MICU3: variants seen among roughly 807,000 people sequenced by gnomAD.
MICU3 encodes mitochondrial calcium uptake 3.
Under a neutral mutation model 66.5 loss-of-function variants are expected in MICU3, and 62 were observed. That is an observed-to-expected ratio of 0.93 (90% confidence interval 0.76 to 1.15). The LOEUF is 1.15. Ranked by LOEUF, MICU3 falls within the 50% of genes most tolerant of loss-of-function variation. The probability of loss-of-function intolerance (pLI) is 0.00; values close to 1 mark genes in which losing one functional copy is unlikely to be tolerated. For missense variants in MICU3, 779 were observed against 664.4 expected, an observed-to-expected ratio of 1.17 and a Z score of -1.90; for synonymous variants, 308 against 240.7, an observed-to-expected ratio of 1.28 and a Z score of -2.59.
chr8:17,104,086 T>A (rs1801513525), intron 9 of MICU3, among the ~76,000 whole-genome samples: 1 of 151,930 alleles, frequency 6.6e-6, no homozygotes, highest in South Asian at 2.1e-4. Flanking sequence ...GGATTTCAAT[T>A]ATTTTAGATA....
At chr8:17,057,548 ATTG>A (rs2150595589) in intron 1 of MICU3, among the ~76,000 whole-genome samples, 1 of 152,334 alleles carries the variant, frequency 6.6e-6, no homozygotes, top group African/African-American at 2.4e-5. Context: ...ATTTATAATT[ATTG>A]TTACAATTAA....
chr8:17,115,839 C>T (rs764555136), intron 12 of MICU3, among the ~76,000 whole-genome samples: 11 of 152,148 alleles, frequency 7.2e-5, no homozygotes, highest in East Asian at 1.9e-4. Flanking sequence ...CCAAACCAGA[C>T]TCCCTGTTTT....
intron 2 of MICU3, among the ~76,000 whole-genome samples, chr8:17,065,096 T>TA (rs1554517862): frequency 6.6e-6 from 1 of 152,134 alleles, no homozygotes; most frequent in Non-Finnish European, 1.5e-5. Flanking sequence ...TGTATTTTTT[T>TA]AAAAAATAAT....
intron 8 of MICU3, among the ~76,000 whole-genome samples, chr8:17,095,425 T>C (rs1184351914): frequency 6.6e-6 from 1 of 151,982 alleles, no homozygotes; most frequent in Non-Finnish European, 1.5e-5. Flanking sequence ...TTACAGTTTT[T>C]AGGGCCATGG....
chr8:17,052,840 C>T lies in MICU3; in HGVS notation c.382-11244C>T, dbSNP rs187292161. Among the ~76,000 whole-genome samples, 53 of 152,276 alleles carry T rather than the reference C, an allele frequency of 3.5e-4. No individual in the cohort carries two copies. In the South Asian group the frequency reaches 5.6e-3, roughly 16 times the overall value. On this transcript the variant is annotated intron_variant, in intron 1 of 14. Transcript: ENST00000318063. ...CCATTTGGGAAAACCAAATGTAATA[C>T]TTCCATGAACATCTTTTTTAGCTAC...
chr8:17,084,638 A>G (rs1156346795), intron 5 of MICU3, among the ~76,000 whole-genome samples: 1 of 152,112 alleles, frequency 6.6e-6, no homozygotes, highest in Non-Finnish European at 1.5e-5. Context: ...ATTGAACCTC[A>G]TTATTATAAG....
At chr8:17,125,083 C>T (rs1171828807), downstream of MICU3, among the ~76,000 whole-genome samples, 1 of 152,030 alleles carries the variant, frequency 6.6e-6, no homozygotes, top group Non-Finnish European at 1.5e-5. Flanking sequence ...TTTCTCTGCT[C>T]AGTTTTCCTG....
chr8:17,128,105 T>C, the MICU3 span, among the ~76,000 whole-genome samples: 1 of 151,866 alleles, frequency 6.6e-6, no homozygotes, highest in African/African-American at 2.4e-5. Flanking sequence ...GAAGCCAGAG[T>C]TCTCTACTGA....
chr8:17,045,929 G>T (rs537279211), intron 1 of MICU3, among the ~76,000 whole-genome samples: 66 of 152,286 alleles, frequency 4.3e-4, no homozygotes, highest in African/African-American at 1.5e-3. Context: ...ACCTCCCATT[G>T]GGTCCCTCCC....
chr8:17,029,407 CAG>C (rs1485266032), intron 1 of MICU3, among the ~76,000 whole-genome samples: 4 of 152,060 alleles, frequency 2.6e-5, no homozygotes, highest in Admixed American at 2.6e-4. Context: ...ACCTGGGAGA[CAG>C]AGGTTGCAGT....
At chr8:17,127,626 A>C (rs1803437010), downstream of MICU3, among the ~76,000 whole-genome samples, 1 of 152,206 alleles carries the variant, frequency 6.6e-6, no homozygotes, top group South Asian at 2.1e-4. Flanking sequence ...TATGCTACTA[A>C]TTCAGTTTCT....
At chr8:17,041,618 C>T (rs1268457293) in intron 1 of MICU3, among the ~76,000 whole-genome samples, 2 of 151,254 alleles carry the variant, frequency 1.3e-5, no homozygotes. Context: ...GATGGAAGAC[C>T]CTCGATCGTG....
At chr8:17,034,588 T>C (rs1056050084) in intron 1 of MICU3, among the ~76,000 whole-genome samples, 1 of 152,196 alleles carries the variant, frequency 6.6e-6, no homozygotes, top group African/African-American at 2.4e-5. Flanking sequence ...GGTAAAAGTA[T>C]CAACATTAGT....
intron 8 of MICU3, among the ~76,000 whole-genome samples, chr8:17,095,909 A>G (rs1800626907): frequency 6.6e-6 from 1 of 152,028 alleles, no homozygotes; most frequent in Non-Finnish European, 1.5e-5. Flanking sequence ...AAAGTGTAAG[A>G]AAGTTCTATC....
At chr8:17,034,593 A>G (rs1812662779) in intron 1 of MICU3, among the ~76,000 whole-genome samples, 1 of 152,338 alleles carries the variant, frequency 6.6e-6, no homozygotes, top group South Asian at 2.1e-4. Context: ...AAGTATCAAC[A>G]TTAGTAGGAG....
intron 1 of MICU3, among the ~76,000 whole-genome samples, chr8:17,045,217 G>C (rs1814861532): frequency 6.6e-6 from 1 of 152,136 alleles, no homozygotes; most frequent in Admixed American, 6.5e-5. Context: ...TTTGTCCACA[G>C]TTCCTGGCTC....
At chr8:17,108,380 G>A (rs1297780694) in intron 11 of MICU3, among the ~76,000 whole-genome samples, 1 of 152,080 alleles carries the variant, frequency 6.6e-6, no homozygotes, top group Non-Finnish European at 1.5e-5. Flanking sequence ...CTTTTGCAAT[G>A]TACTGCCTAC....
chr8:17,126,045 A>AC (rs1554542841), downstream of MICU3, among the ~76,000 whole-genome samples: 8 of 151,496 alleles, frequency 5.3e-5, no homozygotes, highest in Admixed American at 4.6e-4. Flanking sequence ...AAAAAAAAAA[A>AC]AAAAAAACCT....
At position 17,027,359 on chromosome 8, in the gene MICU3, C is replaced by T. The variant is rs1406760492; in HGVS notation, c.80C>T (p.Pro27Leu). 2 of 1,504,238 alleles carry T rather than the reference C, an allele frequency of 1.3e-6. No individual in the cohort carries two copies. The highest frequency in any genetic ancestry group is 2.7e-5 in the East Asian group (1 of 37,092). The allele number at this position is 1,504,238 out of a possible 1,614,324, so 93.2% of individuals were successfully genotyped here. A position where few individuals can be genotyped will look rare whatever the true frequency, so the allele number is the denominator to read the frequency against. ...TGCGCTCACCAGCCCCTCCTTGGGC[C>T]GTGGGGGCGGCCTGCGGTGACCACC... ...PLCAHQPLLG[P>L]WGRPAVTTLG... Residue 27 changes from proline to leucine, a missense_variant, in exon 1 of 15, where the codon CCG (proline) becomes CTG (leucine). Coordinates refer to ENST00000318063, the MANE Select transcript of MICU3 (RefSeq NM_181723.3).
Sources: allele counts gnomAD v4.1 joint callset (sites outside exome capture counted in the v4.1 genomes callset), GRCh38; gene constraint gnomAD v4.1.1; transcripts MANE v1.5; gene names NCBI Gene and HGNC (gene_info 2026-07-23, HGNC 2026-07-21).